Variants in CFAP54 observed in about 807,000 individuals in gnomAD.
CFAP54 encodes cilia- and flagella-associated protein 54.
Under a neutral mutation model 370.4 loss-of-function variants are expected in CFAP54, and 290 were observed. The ratio of observed to expected loss-of-function variants is 0.78; its 90% CI spans 0.71 to 0.86. The LOEUF (loss-of-function observed/expected upper bound fraction) is 0.86. Among genes scored for constraint, CFAP54 ranks in the 40% least tolerant of loss-of-function variants. The pLI, the probability that CFAP54 is intolerant of heterozygous loss-of-function variation, is 0.00. For synonymous variants in CFAP54, 1,206 were observed against 1,236.5 expected (o/e 0.98, Z 0.52); for missense variants, 3,399 against 3,528.7 (o/e 0.96, Z 0.93).
chr12:96,779,821 T>C (rs867119570), intron 60 of CFAP54, among the ~76,000 whole-genome samples: 12 of 152,052 alleles, frequency 7.9e-5, no homozygotes, highest in South Asian at 4.2e-4. Flanking sequence ...AAGAAGTAGA[T>C]GTAATATAGA....
Position 96,592,489 on chromosome 12 carries a change from G to T in CFAP54, c.3213-1G>T. The stretch of plus-strand genomic sequence containing the variant: ...TACCTGCCATTTACTTCATATTGCA[G>T]ATTACATTCAGATATTTTGGCAGAG... On this transcript the variant is annotated splice_acceptor_variant, in intron 23 of 67. Coordinates refer to ENST00000524981, the MANE Select transcript of CFAP54 (RefSeq NM_001306084.2). LOFTEE classifies it high-confidence loss of function. The T allele has an allele frequency of 3.5e-6, 2 of 578,262 alleles. No individual in the cohort carries two copies. Among genetic ancestry groups the T allele is most frequent in the Non-Finnish European group, 5.8e-6 (2 of 343,904 alleles). The allele number at this position is 578,262 out of a possible 1,614,324, so 35.8% of individuals were successfully genotyped here. A position where few individuals can be genotyped will look rare whatever the true frequency, so the allele number is the denominator to read the frequency against.
intron 30 of CFAP54, among the ~76,000 whole-genome samples, chr12:96,629,852 G>A (rs946082585): frequency 2.6e-5 from 4 of 152,036 alleles, no homozygotes; most frequent in African/African-American, 9.7e-5. Flanking sequence ...GTTGTGAAAA[G>A]TTTCTATTAT....
At chr12:96,647,340 G>A (rs57718637) in intron 33 of CFAP54, among the ~76,000 whole-genome samples, 2 of 151,228 alleles carry the variant, frequency 1.3e-5, no homozygotes, top group South Asian at 4.2e-4. Flanking sequence ...AGGCGTGGTG[G>A]TGGGCGCCTG....
In CFAP54 at chr12:96,601,689, G is replaced by A. The variant is rs562355914; in HGVS notation, c.3639+2922G>A. Among the ~76,000 whole-genome samples, 4 of 152,270 alleles carry A rather than the reference G, an allele frequency of 2.6e-5. No homozygotes were observed. The East Asian group carries it at 5.8e-4, about 22-fold the overall frequency. ...TTCTTCCTTGTTTAGTCCTGAGAGG[G>A]TGTATGTGTCCAGGAATTTATCCAT... On this transcript the variant is annotated intron_variant, in intron 26 of 67. Coordinates refer to ENST00000524981, the MANE Select transcript of CFAP54 (RefSeq NM_001306084.2).
chr12:96,729,675 G>A (rs1212522541), intron 50 of CFAP54, among the ~76,000 whole-genome samples: 1 of 152,300 alleles, frequency 6.6e-6, no homozygotes. Context: ...TTCAGCTCGC[G>A]CACGGCGCGC....
chr12:96,639,718 A>G (rs1170457779), intron 32 of CFAP54, among the ~76,000 whole-genome samples: 3 of 152,148 alleles, frequency 2.0e-5, no homozygotes, highest in Non-Finnish European at 4.4e-5. Context: ...GCACATCAAA[A>G]AGCTTATCCA....
rs190268088 is a variant in CFAP54, at chr12:96,676,225, G to A, written c.5564-3375G>A. 7.0e-4 allele frequency among the ~76,000 whole-genome samples: 106 copies of A among 152,206 alleles called. No individual in the cohort carries two copies. In the East Asian group the frequency reaches 0.018, roughly 26 times the overall value. The stretch of plus-strand genomic sequence containing the variant: ...TAACCCTCTGAGCCATCCTGATTTT[G>A]GTGAGAGGGATGCTCTGGAAATAAA... On this transcript the variant is annotated intron_variant, in intron 39 of 67. Coordinates refer to ENST00000524981, the MANE Select transcript of CFAP54 (RefSeq NM_001306084.2).
chr12:96,827,080 G>T (rs1345575256), intron 65 of CFAP54, among the ~76,000 whole-genome samples: 1 of 132,890 alleles, frequency 7.5e-6, no homozygotes, highest in African/African-American at 2.8e-5. Flanking sequence ...GCAATTATAT[G>T]TGATTATATA....
At chr12:96,607,995 A>G (rs1956318112) in intron 26 of CFAP54, among the ~76,000 whole-genome samples, 1 of 152,196 alleles carries the variant, frequency 6.6e-6, no homozygotes, top group Non-Finnish European at 1.5e-5. Flanking sequence ...ACACTTGAGG[A>G]AATACTCTAT....
chr12:96,685,256 A>G lies in CFAP54; in HGVS notation c.6014+18A>G. On this transcript the variant is annotated intron_variant, in intron 42 of 67. Transcript: ENST00000524981. ...ATAGCACAGTGAGTGTGAGGATGGA[A>G]GGATCCCCGTACTAGCTAACAGCTT... 1 of 1,610,330 alleles carries G rather than the reference A, an allele frequency of 6.2e-7. No homozygotes were observed. The highest frequency in any genetic ancestry group is 8.5e-7 in the Non-Finnish European group (1 of 1,177,130).
In CFAP54 at chr12:96,489,829, T is replaced by C; in HGVS notation, c.220T>C (p.Ser74Pro). 6.5e-7 allele frequency: 1 copy of C among 1,536,112 alleles called. No individual in the cohort carries two copies. Among genetic ancestry groups the C allele is most frequent in the Non-Finnish European group, 8.7e-7 (1 of 1,146,910 alleles). ...GGACGCGAAAAACCCGCTCCTGGCCTCTTGTGAGAAGGAGATCCAGGAGTT... is the reference window on the plus strand; with the variant it reads ...GGACGCGAAAAACCCGCTCCTGGCCCCTTGTGAGAAGGAGATCCAGGAGTT... ...PLDAKNPLLA[S>P]CEKEIQELLG... The change falls in exon 1 of 68, where the codon TCT becomes CCT. Residue 74 changes from serine to proline, a missense_variant. Around this residue, in one of 3 missense-constraint regions of CFAP54, gnomAD observed 559 missense variants for 576.7 expected, o/e 0.97. Coordinates refer to ENST00000524981, the MANE Select transcript of CFAP54 (RefSeq NM_001306084.2).
At chr12:96,518,856 G>C (rs1955270326) in intron 5 of CFAP54, 72 bp from the exon 6 acceptor site, 1 of 1,300,722 alleles carries the variant, frequency 7.7e-7, no homozygotes, top group Non-Finnish European at 1.0e-6. Context: ...CTTAGAATTT[G>C]ATTATATTTA....
At chr12:96,838,918 G>A (rs1007125364) in intron 66 of CFAP54, among the ~76,000 whole-genome samples, 1 of 152,192 alleles carries the variant, frequency 6.6e-6, no homozygotes, top group Non-Finnish European at 1.5e-5. Context: ...CCACACAGCT[G>A]GTAACTGTCA....
intron 22 of CFAP54, among the ~76,000 whole-genome samples, chr12:96,581,497 T>C (rs190993517): frequency 5.1e-4 from 77 of 152,226 alleles, no homozygotes; most frequent in African/African-American, 1.7e-3. Flanking sequence ...GGGGTGCTAC[T>C]GGCATCTAGT....
chr12:96,559,636 T>G (rs1438131142), intron 17 of CFAP54, among the ~76,000 whole-genome samples: 1 of 152,110 alleles, frequency 6.6e-6, no homozygotes, highest in Non-Finnish European at 1.5e-5. Context: ...TATATACCTA[T>G]TATATCAATA....
chr12:96,857,243 T>C (rs1959729812), intron 66 of CFAP54, among the ~76,000 whole-genome samples: 1 of 152,190 alleles, frequency 6.6e-6, no homozygotes, highest in Non-Finnish European at 1.5e-5. Context: ...CCAAACCTTA[T>C]CAAACCTAGT....
intron 33 of CFAP54, chr12:96,646,189 T>G (rs536729975): frequency 6.6e-6 from 1 of 152,148 alleles, no homozygotes; most frequent in Non-Finnish European, 1.5e-5. Context: ...AGAAAATTTT[T>G]GCAATCTACT....
At chr12:96,594,727 A>C (rs534458129) in intron 25 of CFAP54, among the ~76,000 whole-genome samples, 1 of 152,110 alleles carries the variant, frequency 6.6e-6, no homozygotes, top group Non-Finnish European at 1.5e-5. Flanking sequence ...AGTTATTTTA[A>C]TTTTTATGTT....
chr12:96,629,898 G>A (rs561378522), intron 30 of CFAP54, among the ~76,000 whole-genome samples, 195 bp from the exon 31 acceptor site: 53 of 152,236 alleles, frequency 3.5e-4, no homozygotes, highest in Non-Finnish European at 1.8e-4. Context: ...TTTATGATAT[G>A]ATTTACACTT....
Sources: allele counts gnomAD v4.1 joint callset (sites outside exome capture counted in the v4.1 genomes callset), GRCh38; gene constraint gnomAD v4.1.1; regional missense constraint gnomAD v4.1.1; transcripts MANE v1.5; gene names NCBI Gene and HGNC (gene_info 2026-07-23, HGNC 2026-07-21).